The following CFAP20DC variants were observed in gnomAD, a reference collection of about 807,000 sequenced individuals.
The protein encoded by CFAP20DC is protein CFAP20DC.
A neutral mutation model predicts 101.7 loss-of-function variants in CFAP20DC; 84 were observed. The observed-to-expected ratio is 0.83, with a 90% CI of 0.69 to 0.99. CFAP20DC has a LOEUF of 0.99. Among genes scored for constraint, CFAP20DC ranks in the 50% least tolerant of loss-of-function variants. The probability of loss-of-function intolerance (pLI) is 0.00; values close to 1 mark genes in which losing one functional copy is unlikely to be tolerated. For synonymous variants in CFAP20DC, 359 were observed against 351.2 expected (o/e 1.02, Z -0.25); for missense variants, 1,007 against 970.3 (o/e 1.04, Z -0.50).
rs1016725410 is a variant in CFAP20DC, at chr3:58,788,942, G to A, written c.2237+17453C>T. Among the ~76,000 whole-genome samples, 2 of 152,060 alleles carry A rather than the reference G, an allele frequency of 1.3e-5. No homozygotes were observed. Among genetic ancestry groups the A allele is most frequent in the African/African-American group, 2.4e-5 (1 of 41,406 alleles). ...CAGAACCCACATATATGAAAAATGGGTTGGAAAAAATCTGTGTCATAATTT... is the reference window on the plus strand; with the variant it reads ...CAGAACCCACATATATGAAAAATGGATTGGAAAAAATCTGTGTCATAATTT... On this transcript the variant is annotated intron_variant, in intron 15 of 16. Transcript: ENST00000482387. The surrounding 1 kb of genome is among the most constrained non-coding windows in gnomAD (Gnocchi z 4.2).
intron 4 of CFAP20DC, among the ~76,000 whole-genome samples, chr3:58,998,062 A>G (rs1315950559): frequency 6.6e-6 from 1 of 152,204 alleles, no homozygotes; most frequent in Non-Finnish European, 1.5e-5. Context: ...CACTAGCCCA[A>G]GCTTGAAGGT....
intron 16 of CFAP20DC, among the ~76,000 whole-genome samples, chr3:58,752,014 G>T (rs562274024): frequency 2.6e-5 from 4 of 152,218 alleles, no homozygotes; most frequent in African/African-American, 9.6e-5. Flanking sequence ...CCCTTCTGAT[G>T]ATATAAACTG....
chr3:59,043,094 G>A (rs1344138892), intron 3 of CFAP20DC, among the ~76,000 whole-genome samples: 1 of 152,166 alleles, frequency 6.6e-6, no homozygotes, highest in Non-Finnish European at 1.5e-5. Context: ...TGATATTCAA[G>A]AAGTCTAGAG....
At chr3:58,775,534 G>C (rs2071246743) in intron 15 of CFAP20DC, among the ~76,000 whole-genome samples, 1 of 151,960 alleles carries the variant, frequency 6.6e-6, no homozygotes, top group South Asian at 2.1e-4. Context: ...AAAAATAAAT[G>C]GGAAAGAATT....
At chr3:58,982,267 A>T (rs967230155) in intron 4 of CFAP20DC, among the ~76,000 whole-genome samples, 2 of 152,228 alleles carry the variant, frequency 1.3e-5, no homozygotes, top group African/African-American at 4.8e-5. Flanking sequence ...CTGGGACTGT[A>T]AACTAGTTTG....
intron 3 of CFAP20DC, among the ~76,000 whole-genome samples, chr3:58,735,970 AT>A (rs373439820): frequency 2.6e-5 from 4 of 151,828 alleles, no homozygotes; most frequent in African/African-American, 7.3e-5. Context: ...TGGCGCCACC[AT>A]TTTTTTTAAC....
chr3:58,982,502 T>C (rs989483651), intron 4 of CFAP20DC, among the ~76,000 whole-genome samples: 7 of 151,846 alleles, frequency 4.6e-5, no homozygotes, highest in Non-Finnish European at 7.4e-5. Context: ...GTGGCACATA[T>C]ACACCATGGA....
At chr3:58,730,584 G>C (rs1450128618) in intron 3 of CFAP20DC, among the ~76,000 whole-genome samples, 3 of 152,130 alleles carry the variant, frequency 2.0e-5, no homozygotes, top group Non-Finnish European at 4.4e-5. Flanking sequence ...TGAGATAAGA[G>C]GAGGAATCAA....
chr3:58,985,173 C>G (rs912121800), intron 4 of CFAP20DC, among the ~76,000 whole-genome samples: 1 of 152,172 alleles, frequency 6.6e-6, no homozygotes, highest in Admixed American at 6.5e-5. Context: ...AGCCATCCTC[C>G]TGCCTTGGCC....
chr3:58,933,382 G>A (rs1480231026), intron 5 of CFAP20DC, among the ~76,000 whole-genome samples: 1 of 151,332 alleles, frequency 6.6e-6, no homozygotes. Flanking sequence ...AAGTTAACAA[G>A]GATACCCAGG....
Position 58,808,613 on chromosome 3 carries a change from C to A in CFAP20DC, c.2176-2157G>T, listed in dbSNP as rs9853570. Among the ~76,000 whole-genome samples, 342 of 152,232 alleles carry A rather than the reference C, an allele frequency of 2.2e-3. 2 individuals are homozygous for A. Among genetic ancestry groups the A allele is most frequent in the African/African-American group, 8.1e-3 (335 of 41,522 alleles). ...CAGTACCAGCCACTGCAAAATCATG[C>A]CAAATTGTAAAGACCATCGAGGCTA... On this transcript the variant is annotated intron_variant, in intron 14 of 16. Coordinates refer to ENST00000482387, the MANE Select transcript of CFAP20DC (RefSeq NM_001394063.1).
At chr3:58,746,141 G>C (rs1273136416) in intron 16 of CFAP20DC, among the ~76,000 whole-genome samples, 1 of 152,048 alleles carries the variant, frequency 6.6e-6, no homozygotes, top group African/African-American at 2.4e-5. Flanking sequence ...CCCCCAATTA[G>C]TTTTATATAG....
At chr3:59,004,184 T>C (rs978856543) in intron 4 of CFAP20DC, among the ~76,000 whole-genome samples, 1 of 152,158 alleles carries the variant, frequency 6.6e-6, no homozygotes, top group Admixed American at 6.5e-5. Context: ...CACTGATGTA[T>C]GTTAATAACC....
At chr3:58,923,630 T>C in intron 5 of CFAP20DC, among the ~76,000 whole-genome samples, 1 of 152,184 alleles carries the variant, frequency 6.6e-6, no homozygotes, top group African/African-American at 2.4e-5. Context: ...ATAATGTATC[T>C]TTTACCTCTG....
Position 58,753,762 on chromosome 3 carries a change from G to T in CFAP20DC, c.2332+7C>A, listed in dbSNP as rs747124416. On this transcript the variant is annotated splice_region_variant and intron_variant, in intron 16 of 16. Coordinates refer to ENST00000482387, the MANE Select transcript of CFAP20DC (RefSeq NM_001394063.1). ...TTTCTTATGCATATCGTTTTTCATAGTCCCACCTTGAACACTCAAACTTTC... is the reference window on the plus strand; with the variant it reads ...TTTCTTATGCATATCGTTTTTCATATTCCCACCTTGAACACTCAAACTTTC... 5.7e-6 allele frequency: 9 copies of T among 1,590,114 alleles called. No individual in the cohort carries two copies. In the Admixed American group the frequency reaches 1.5e-4, roughly 27 times the overall value.
At chr3:58,959,996 T>C (rs2090993078) in intron 4 of CFAP20DC, among the ~76,000 whole-genome samples, 1 of 152,222 alleles carries the variant, frequency 6.6e-6, no homozygotes, top group South Asian at 2.1e-4. Context: ...GATTCAGTTG[T>C]GATAAGCTTC....
chr3:59,021,147 T>C (rs2093795803), intron 4 of CFAP20DC, among the ~76,000 whole-genome samples: 1 of 152,066 alleles, frequency 6.6e-6, no homozygotes, highest in African/African-American at 2.4e-5. Context: ...ACCATTCTAA[T>C]CAGTGTTATT....
At chr3:58,848,770 GAAAAT>G (rs1009006285) in intron 13 of CFAP20DC, among the ~76,000 whole-genome samples, 68 of 152,164 alleles carry the variant, frequency 4.5e-4, no homozygotes, top group African/African-American at 1.4e-3. Context: ...GAAGTAACTA[GAAAAT>G]AAAATAACTG....
intron 1 of CFAP20DC, among the ~76,000 whole-genome samples, chr3:59,049,025 C>A (rs1700103541): frequency 6.6e-6 from 1 of 152,154 alleles, no homozygotes; most frequent in South Asian, 2.1e-4. Flanking sequence ...TGACCCCCAT[C>A]CAGAGATTCG....
Sources: gnomAD v4.1 joint callset for allele counts (sites outside exome capture counted in the v4.1 genomes callset) on GRCh38, gnomAD v4.1.1 for gene constraint, Gnocchi (gnomAD v3.1) non-coding constraint, MANE v1.5 for transcripts, NCBI Gene and HGNC (gene_info 2026-07-23, HGNC 2026-07-21) for gene names.